FLT1: variants seen among roughly 807,000 people sequenced by gnomAD.
FLT1 encodes vascular endothelial growth factor receptor 1.
In FLT1, 49 loss-of-function variants were observed where a neutral mutation model predicts 156.3. That is an observed-to-expected ratio of 0.31 (90% confidence interval 0.25 to 0.40). The LOEUF (loss-of-function observed/expected upper bound fraction) is 0.40, where lower values mean the gene tolerates loss of function less well. Among genes scored for constraint, FLT1 ranks in the 10% least tolerant of loss-of-function variants. FLT1 has a pLI of 1.00. For missense variants in FLT1, 1,322 were observed against 1,637.2 expected, an observed-to-expected ratio of 0.81 and a Z score of 3.32; for synonymous variants, 594 against 583.8, an observed-to-expected ratio of 1.02 and a Z score of -0.25.
At chr13:28,472,905 A>T (rs951975232) in intron 1 of FLT1, among the ~76,000 whole-genome samples, 1 of 152,216 alleles carries the variant, frequency 6.6e-6, no homozygotes, top group African/African-American at 2.4e-5. Context: ...TATGGTTAGT[A>T]AAAAGACAAC....
intron 3 of FLT1, among the ~76,000 whole-genome samples, chr13:28,460,056 A>G (rs1473039141): frequency 6.6e-6 from 1 of 152,210 alleles, no homozygotes; most frequent in Non-Finnish European, 1.5e-5. Flanking sequence ...TGTTTATTGG[A>G]CTTGCCATAC....
intron 14 of FLT1, among the ~76,000 whole-genome samples, chr13:28,375,131 A>T (rs1179971085): frequency 6.6e-6 from 1 of 152,232 alleles, no homozygotes; most frequent in Admixed American, 6.5e-5. Flanking sequence ...ATGTGTGTGT[A>T]TACCTATGCA....
chr13:28,327,331 G>A (rs1395635913), intron 20 of FLT1, 131 bp downstream of exon 20: 13 of 683,006 alleles, frequency 1.9e-5, no homozygotes, highest in South Asian at 7.9e-5. Context: ...GAAAAAAGGA[G>A]AAGAAGCAGA....
At chr13:28,465,291 C>G (rs1387515931) in intron 3 of FLT1, among the ~76,000 whole-genome samples, 1 of 152,138 alleles carries the variant, frequency 6.6e-6, no homozygotes. Context: ...GATTGCATCC[C>G]TTGACGGCAA....
chr13:28,460,797 TACACACAC>T lies in FLT1; in HGVS notation c.388+6098_388+6105del, dbSNP rs369507550. On this transcript the variant is annotated intron_variant, in intron 3 of 29. Coordinates refer to ENST00000282397, the MANE Select transcript of FLT1 (RefSeq NM_002019.4). ...GAAATACATTTTACGTCAGACCCAT[TACACACAC>T]ACACACACACACACACACACACACG... is the stretch of plus-strand genomic sequence containing the variant. 8.8e-3 allele frequency among the ~76,000 whole-genome samples: 1,279 copies of T among 146,000 alleles called. 21 individuals are homozygous for T. Among genetic ancestry groups the T allele is most frequent in the African/African-American group, 0.029 (1,173 of 40,126 alleles).
At chr13:28,460,672 C>T (rs1434197002) in intron 3 of FLT1, among the ~76,000 whole-genome samples, 10 of 140,048 alleles carry the variant, frequency 7.1e-5, no homozygotes, top group African/African-American at 2.6e-4. Context: ...CCCCACCCCC[C>T]CAAAAAATCA....
chr13:28,402,436 A>G (rs1408684128), intron 11 of FLT1, among the ~76,000 whole-genome samples: 3 of 152,232 alleles, frequency 2.0e-5, no homozygotes, highest in Non-Finnish European at 4.4e-5. Context: ...AAAAAGATAT[A>G]TTAGTAGATG....
At chr13:28,422,325 AGT>A (rs1877059185) in intron 10 of FLT1, among the ~76,000 whole-genome samples, 1 of 149,562 alleles carries the variant, frequency 6.7e-6, no homozygotes, top group Non-Finnish European at 1.5e-5. Context: ...TTTTCCCATG[AGT>A]GGGGAATAAC....
intron 1 of FLT1, among the ~76,000 whole-genome samples, chr13:28,486,847 T>G (rs1467276025): frequency 1.3e-5 from 2 of 152,234 alleles, no homozygotes; most frequent in African/African-American, 2.4e-5. Flanking sequence ...CTTTTACAGA[T>G]TGGCATTTGG....
chr13:28,412,858 G>A (rs1030556079), intron 10 of FLT1, among the ~76,000 whole-genome samples: 9 of 150,402 alleles, frequency 6.0e-5, no homozygotes, highest in Admixed American at 1.3e-4. Context: ...CACCACGGCC[G>A]GCCACGTTCT....
chr13:28,450,244 C>G (rs184763308), intron 3 of FLT1, among the ~76,000 whole-genome samples: 5 of 152,280 alleles, frequency 3.3e-5, no homozygotes, highest in African/African-American at 1.2e-4. Context: ...GTACTGATAC[C>G]TGCCTTGAAG....
intron 3 of FLT1, among the ~76,000 whole-genome samples, chr13:28,447,835 TTA>T (rs1261717805): frequency 1.3e-5 from 2 of 150,574 alleles, no homozygotes; most frequent in East Asian, 1.9e-4. Flanking sequence ...TATCTATATA[TTA>T]TATCTCTAGA....
chr13:28,478,702 A>G (rs192058822), intron 1 of FLT1, among the ~76,000 whole-genome samples: 1 of 152,324 alleles, frequency 6.6e-6, no homozygotes, highest in Admixed American at 6.5e-5. Context: ...TAAAATGCAT[A>G]TTGTTCCAGT....
At chr13:28,440,863 G>C (rs1441434900) in intron 3 of FLT1, among the ~76,000 whole-genome samples, 1 of 152,150 alleles carries the variant, frequency 6.6e-6, no homozygotes, top group Non-Finnish European at 1.5e-5. Flanking sequence ...TGACTCATTT[G>C]AACTTATGAA....
rs60568918 is a variant in FLT1, at chr13:28,309,884, C to CTTTTT, written c.3636-962_3636-958dup. On this transcript the variant is annotated intron_variant, in intron 27 of 29. Transcript: ENST00000282397. ...GTGGGTAGCAGTATTTTCTTTTTTCCTTTTTTTTTTTTTTTTTTTTTTGGA... is the reference window on the plus strand; with the variant it reads ...GTGGGTAGCAGTATTTTCTTTTTTCCTTTTTTTTTTTTTTTTTTTTTTTTTTTGGA... 3.2e-4 allele frequency among the ~76,000 whole-genome samples: 29 copies of CTTTTT among 90,878 alleles called. 1 individual carries two copies. The highest frequency in any genetic ancestry group is 4.6e-4 in the South Asian group (1 of 2,178). The allele number at this position is 90,878 out of a possible 152,430, so 59.6% of individuals were successfully genotyped here. A position where few individuals can be genotyped will look rare whatever the true frequency, so the allele number is the denominator to read the frequency against.
intron 14 of FLT1, among the ~76,000 whole-genome samples, chr13:28,372,506 T>C (rs1250151842): frequency 2.7e-5 from 4 of 149,366 alleles, no homozygotes; most frequent in African/African-American, 9.8e-5. Context: ...GAAATTTGTA[T>C]AGCTTACTCT....
rs1874598199 is a variant in FLT1 at position 28,389,894 on chromosome 13, A to C, written c.1871T>G (p.Met624Arg). The change falls in exon 13 of 30, where the codon ATG becomes AGG. Residue 624 changes from methionine (M) to arginine (R), a missense_variant. Transcript: ENST00000282397. ...GCCTGAATCTTGCAGGGAAACATTC[A>C]TGATGGTAAGATTAAGAGTGATGGA... ...EHSITLNLTI[M>R]NVSLQDSGTY... The C allele has an allele frequency of 1.9e-6, 3 of 1,613,970 alleles. No individual in the cohort carries two copies. Among genetic ancestry groups the C allele is most frequent in the Non-Finnish European group, 2.5e-6 (3 of 1,180,010 alleles).
intron 13 of FLT1, chr13:28,386,168 T>C (rs1416960738): frequency 9.5e-7 from 1 of 1,054,520 alleles, no homozygotes; most frequent in Non-Finnish European, 1.1e-6. Flanking sequence ...GTGATGACAA[T>C]GCTACAAAGA....
At chr13:28,348,542 C>T (rs1004253127) in intron 15 of FLT1, among the ~76,000 whole-genome samples, 74 of 152,298 alleles carry the variant, frequency 4.9e-4, no homozygotes, top group African/African-American at 1.7e-3. Flanking sequence ...ATTCACCCTA[C>T]TCATCAGCTT....
Sources: allele counts gnomAD v4.1 joint callset (sites outside exome capture counted in the v4.1 genomes callset), GRCh38; gene constraint gnomAD v4.1.1; transcripts MANE v1.5; gene names NCBI Gene and HGNC (gene_info 2026-07-23, HGNC 2026-07-21).